The following RSRC1 variants were observed in gnomAD, a reference collection of about 807,000 sequenced individuals.
The protein encoded by RSRC1 is serine/Arginine-related protein 53.
A neutral mutation model predicts 49.1 loss-of-function variants in RSRC1; 39 were observed. That is an observed-to-expected ratio of 0.79 (90% CI 0.61 to 1.04). RSRC1 has a LOEUF of 1.04. Among genes scored for constraint, RSRC1 ranks in the 50% least tolerant of loss-of-function variants. The pLI is 0.00. For synonymous variants in RSRC1, 143 were observed against 130.8 expected (o/e 1.09, Z -0.63); for missense variants, 388 against 402.4 (o/e 0.96, Z 0.31).
At chr3:158,519,195 A>T (rs1226391188) in intron 7 of RSRC1, among the ~76,000 whole-genome samples, 1 of 152,076 alleles carries the variant, frequency 6.6e-6, no homozygotes, top group Non-Finnish European at 1.5e-5. Flanking sequence ...AATTTTTGTT[A>T]ATTCTACATC....
intron 3 of RSRC1, among the ~76,000 whole-genome samples, chr3:158,137,595 G>A (rs572218452): frequency 7.3e-5 from 11 of 151,330 alleles, no homozygotes; most frequent in Non-Finnish European, 1.5e-4. Flanking sequence ...GAATACTGAA[G>A]TTCTTAGTTG....
At chr3:158,222,756 T>C (rs1722298244) in intron 4 of RSRC1, among the ~76,000 whole-genome samples, 1 of 151,584 alleles carries the variant, frequency 6.6e-6, no homozygotes, top group Admixed American at 6.6e-5. Context: ...CTTTTCTGTG[T>C]CAATGGAAGA....
intron 7 of RSRC1, among the ~76,000 whole-genome samples, chr3:158,518,243 T>C (rs1740712309): frequency 6.7e-6 from 1 of 148,574 alleles, no homozygotes; most frequent in South Asian, 2.1e-4. Context: ...TTGACTGGGT[T>C]TTAAAAAGCA....
At chr3:158,113,308 A>G (rs372079216) in intron 1 of RSRC1, among the ~76,000 whole-genome samples, 6 of 151,970 alleles carry the variant, frequency 3.9e-5, no homozygotes, top group African/African-American at 1.4e-4. Flanking sequence ...ATTCTCACCA[A>G]CAGTTTATTA....
intron 4 of RSRC1, among the ~76,000 whole-genome samples, chr3:158,274,370 CTT>C (rs71144453): frequency 6.8e-6 from 1 of 147,360 alleles, no homozygotes; most frequent in Non-Finnish European, 1.5e-5. Context: ...CAAGGTTAGT[CTT>C]TTTTTTTTTC....
intron 5 of RSRC1, among the ~76,000 whole-genome samples, chr3:158,324,716 A>G (rs1728975506): frequency 1.3e-5 from 2 of 152,198 alleles, no homozygotes; most frequent in African/African-American, 2.4e-5. Context: ...TCTTTATAGC[A>G]GCATGATTTA....
chr3:158,483,004 A>T (rs1325250133), intron 7 of RSRC1, among the ~76,000 whole-genome samples: 2 of 152,100 alleles, frequency 1.3e-5, no homozygotes, highest in South Asian at 4.1e-4. Flanking sequence ...ACAAATTAGA[A>T]TCTACAGACA....
chr3:158,383,400 T>C (rs1732808300), intron 6 of RSRC1, among the ~76,000 whole-genome samples: 1 of 151,864 alleles, frequency 6.6e-6, no homozygotes, highest in Non-Finnish European at 1.5e-5. Context: ...CTGCAGGGAG[T>C]CTTGGAATCA....
chr3:158,526,793 C>T (rs1045824195), intron 7 of RSRC1, among the ~76,000 whole-genome samples: 1 of 151,948 alleles, frequency 6.6e-6, no homozygotes, highest in African/African-American at 2.4e-5. Context: ...TTTATACTGA[C>T]TAATGTTCAA....
At chr3:158,446,370 G>T (rs1287669914) in intron 6 of RSRC1, among the ~76,000 whole-genome samples, 4 of 151,522 alleles carry the variant, frequency 2.6e-5, no homozygotes, top group Admixed American at 2.6e-4. Flanking sequence ...TTGGATATAT[G>T]ATTTTTTTCT....
chr3:158,272,555 T>C (rs1259070761), intron 4 of RSRC1, among the ~76,000 whole-genome samples: 1 of 152,116 alleles, frequency 6.6e-6, no homozygotes, highest in African/African-American at 2.4e-5. Context: ...GTTTTTAATC[T>C]TATGTTTTTC....
chr3:158,237,112 A>G (rs1047212967), intron 4 of RSRC1, among the ~76,000 whole-genome samples: 1 of 152,208 alleles, frequency 6.6e-6, no homozygotes, highest in Non-Finnish European at 1.5e-5. Flanking sequence ...ATGTATGACA[A>G]GAATGACCTA....
intron 7 of RSRC1, among the ~76,000 whole-genome samples, chr3:158,503,140 A>C (rs1739684461): frequency 6.6e-6 from 1 of 152,086 alleles, no homozygotes; most frequent in South Asian, 2.1e-4. Flanking sequence ...GCCAAGCTGC[A>C]GTGATTGTTG....
intron 3 of RSRC1, among the ~76,000 whole-genome samples, chr3:158,164,410 T>C (rs961251620): frequency 6.6e-6 from 1 of 152,066 alleles, no homozygotes; most frequent in Non-Finnish European, 1.5e-5. Flanking sequence ...TTTTTAAATA[T>C]TAAGAATACT....
intron 3 of RSRC1, among the ~76,000 whole-genome samples, chr3:158,139,403 C>A (rs1464881799): frequency 1.3e-5 from 2 of 150,438 alleles, no homozygotes; most frequent in South Asian, 4.2e-4. Context: ...AAGACTTAGT[C>A]TGGAAAAAAA....
At chr3:158,487,969 A>AAAAAAAC (rs1738897989) in intron 7 of RSRC1, among the ~76,000 whole-genome samples, 1 of 148,684 alleles carries the variant, frequency 6.7e-6, no homozygotes, top group Non-Finnish European at 1.5e-5. Context: ...AAAAAAAAAA[A>AAAAAAAC]AAAAACTGGC....
intron 7 of RSRC1, among the ~76,000 whole-genome samples, chr3:158,498,802 C>T (rs1464250129): frequency 6.6e-6 from 1 of 152,124 alleles, no homozygotes; most frequent in Non-Finnish European, 1.5e-5. Context: ...AGCCAATTAT[C>T]CCATCACCAT....
At chr3:158,456,819 G>A (rs1737351570) in intron 6 of RSRC1, among the ~76,000 whole-genome samples, 1 of 152,104 alleles carries the variant, frequency 6.6e-6, no homozygotes, top group Non-Finnish European at 1.5e-5. Context: ...TGATGACATT[G>A]AAAGGTTACA....
Position 158,128,818 on chromosome 3 carries a change from T to C in RSRC1, c.320+4827T>C, listed in dbSNP as rs1260308667. Reference sequence around the variant, plus strand: ...TGAGTCTGTGCTTGTCTTTCATGACTTTGGCACTTTTGAGGAATAATGGTG... The same window carrying C: ...TGAGTCTGTGCTTGTCTTTCATGACCTTGGCACTTTTGAGGAATAATGGTG... On this transcript the variant is annotated intron_variant, in intron 3 of 9. Transcript: ENST00000611884. Among the ~76,000 whole-genome samples, 4 of 152,350 alleles carry C rather than the reference T, an allele frequency of 2.6e-5. No individual in the cohort carries two copies. In the East Asian group the frequency reaches 7.7e-4, roughly 29 times the overall value.
Sources: allele counts gnomAD v4.1 joint callset (sites outside exome capture counted in the v4.1 genomes callset), GRCh38; gene constraint gnomAD v4.1.1; transcripts MANE v1.5; gene names NCBI Gene and HGNC (gene_info 2026-07-23, HGNC 2026-07-21).